Variants in CEP135 observed in about 807,000 individuals in gnomAD.
CEP135 encodes centrosomal protein of 135 kDa.
Under a neutral mutation model 157.3 loss-of-function variants are expected in CEP135, and 142 were observed. The ratio of observed to expected loss-of-function variants is 0.90; its 90% confidence interval spans 0.79 to 1.04. CEP135 has a LOEUF of 1.04. Ranked by LOEUF, CEP135 falls within the 50% of genes least tolerant of loss-of-function variation. The probability of loss-of-function intolerance (pLI) is 0.00; values close to 1 mark genes in which losing one functional copy is unlikely to be tolerated. For synonymous variants in CEP135, 396 were observed against 439.8 expected, an observed-to-expected ratio of 0.90 and a Z score of 1.25; for missense variants, 1,317 against 1,309.2, an observed-to-expected ratio of 1.01 and a Z score of -0.09.
At chr4:55,963,483 C>T (rs748689552) in intron 6 of CEP135, among the ~76,000 whole-genome samples, 9 of 152,160 alleles carry the variant, frequency 5.9e-5, no homozygotes, top group South Asian at 2.1e-4. Context: ...TGGTGGCTCA[C>T]GCCTATAATC....
chr4:55,982,083 A>C (rs1187179082), intron 13 of CEP135, among the ~76,000 whole-genome samples: 2 of 152,124 alleles, frequency 1.3e-5, no homozygotes, highest in African/African-American at 4.8e-5. Flanking sequence ...CCACAAAAAG[A>C]AACTCTGAAG....
At chr4:56,013,463 C>T (rs1467031672) in intron 21 of CEP135, among the ~76,000 whole-genome samples, 1 of 151,992 alleles carries the variant, frequency 6.6e-6, no homozygotes, top group African/African-American at 2.4e-5. Context: ...TGTCATAAAG[C>T]TTTTCCCCTA....
intron 11 of CEP135, 143 bp from the exon 12 acceptor site, chr4:55,980,000 A>T: frequency 1.4e-6 from 1 of 700,330 alleles, no homozygotes; most frequent in Admixed American, 3.0e-5. Flanking sequence ...CTCATCATAG[A>T]TTTTTAAAAC....
At chr4:56,017,624 A>C (rs1315265197) in intron 21 of CEP135, 24 bp from the exon 22 acceptor site, 1 of 1,547,116 alleles carries the variant, frequency 6.5e-7, no homozygotes, top group Admixed American at 2.1e-5. Context: ...TTAACTTTTT[A>C]CTTGTTTCTT....
intron 6 of CEP135, among the ~76,000 whole-genome samples, chr4:55,962,730 C>CTTT (rs56378859): frequency 5.6e-5 from 7 of 125,368 alleles, no homozygotes; most frequent in Admixed American, 2.4e-4. Context: ...TTTTAAGCCT[C>CTTT]TTTTTTTTTT....
rs139171602 is a variant in CEP135, at chr4:55,974,803, G to A, written c.1307G>A (p.Arg436Gln). Residue 436 changes from arginine to glutamine, a missense_variant, in exon 11 of 26, where the codon CGA becomes CAA. Arg to Gln is a conservative substitution (Grantham distance 43, BLOSUM62 1). Coordinates refer to ENST00000257287, the MANE Select transcript of CEP135 (RefSeq NM_025009.5). Reference protein sequence around the residue: ...RMRLEHGIKRRDRSPSRLDTF... With the variant: ...RMRLEHGIKRQDRSPSRLDTF... ...AGACTAGAACATGGAATAAAACGTC[G>A]AGACAGGTCACCTTCTCGTTTAGAT... 796 of 1,613,782 alleles carry A rather than the reference G, an allele frequency of 4.9e-4. No homozygotes were observed. Among genetic ancestry groups the A allele is most frequent in the Non-Finnish European group, 6.2e-4 (733 of 1,179,838 alleles).
chr4:55,974,570 T>C (rs541457729), intron 10 of CEP135, among the ~76,000 whole-genome samples, 176 bp from the exon 11 acceptor site: 16 of 152,322 alleles, frequency 1.1e-4, no homozygotes, highest in East Asian at 5.8e-4. Context: ...TGCTTTTTTT[T>C]CCCTTCTTTC....
At chr4:55,972,010 C>T (rs1161927121) in intron 10 of CEP135, among the ~76,000 whole-genome samples, 1 of 151,962 alleles carries the variant, frequency 6.6e-6, no homozygotes, top group Non-Finnish European at 1.5e-5. Context: ...ATTAACTGGG[C>T]GTGGTGGCAT....
intron 24 of CEP135, among the ~76,000 whole-genome samples, chr4:56,023,478 T>G (rs1424850908): frequency 2.6e-5 from 4 of 151,638 alleles, no homozygotes; most frequent in Non-Finnish European, 4.4e-5. Flanking sequence ...AAAATTAAAT[T>G]TATCTGTAAG....
chr4:55,960,960 A>T (rs563850216), intron 6 of CEP135: 2 of 147,108 alleles, frequency 1.4e-5, no homozygotes, highest in South Asian at 4.3e-4. Context: ...TACAAAAATT[A>T]GCTGAGGTTG....
At chr4:56,024,814 T>G (rs1260161063) in intron 25 of CEP135, among the ~76,000 whole-genome samples, 200 bp downstream of exon 25, 1 of 151,226 alleles carries the variant, frequency 6.6e-6, no homozygotes, top group Non-Finnish European at 1.5e-5. Context: ...ACTGACCATT[T>G]ACAGTGTATG....
chr4:56,017,743 G>A lies in CEP135; in HGVS notation c.2898G>A (p.Glu966=), dbSNP rs1730826258. 1.2e-6 allele frequency: 2 copies of A among 1,613,808 alleles called. No individual in the cohort carries two copies. The highest frequency in any genetic ancestry group is 1.7e-5 in the Admixed American group (1 of 59,990). ...AAGAGCTGAGACATCAAGAAGATGA[G>A]AAAGCAACAGTATTAAATGACTTGT... The part of the protein sequence containing the change: ...LEEELRHQED[E]KATVLNDLSS... The change falls in exon 22 of 26, where the codon GAG becomes GAA. Residue 966 remains glutamate (E), a synonymous_variant. Coordinates refer to ENST00000257287, the MANE Select transcript of CEP135 (RefSeq NM_025009.5).
intron 17 of CEP135, among the ~76,000 whole-genome samples, chr4:56,004,678 A>G (rs78446543): frequency 0.024 from 3,686 of 152,240 alleles, 67 homozygotes; most frequent in Admixed American, 0.06. Flanking sequence ...TTGTCTCTTT[A>G]TAGTCTTTGA....
intron 18 of CEP135, among the ~76,000 whole-genome samples, 186 bp from the exon 19 acceptor site, chr4:56,009,549 T>C (rs1730494307): frequency 6.6e-6 from 1 of 152,222 alleles, no homozygotes; most frequent in Non-Finnish European, 1.5e-5. Flanking sequence ...CATTTGCATG[T>C]AATTATTGGT....
chr4:55,957,350 A>C lies in CEP135; in HGVS notation c.600A>C (p.Gln200His). ...ACCCTTACATTGCAGACCTCCTTCA[A>C]GTGGCTGATAACAGGTGCATTAAAT... ...PDDPYIADLLQVADNRIQELQ... is the reference protein window; with the variant it reads ...PDDPYIADLLHVADNRIQELQ... The change falls in exon 5 of 26, where the codon CAA (glutamine) becomes CAC (histidine). Residue 200 changes from glutamine to histidine, a missense_variant. Coordinates refer to ENST00000257287, the MANE Select transcript of CEP135 (RefSeq NM_025009.5). 1 of 1,612,766 alleles carries C rather than the reference A, an allele frequency of 6.2e-7. No individual in the cohort carries two copies.
At chr4:56,026,399 G>T (rs1731160237) in intron 25 of CEP135, among the ~76,000 whole-genome samples, 1 of 152,154 alleles carries the variant, frequency 6.6e-6, no homozygotes, top group Non-Finnish European at 1.5e-5. Flanking sequence ...ACTGTTAAAA[G>T]TGTAGATTTC....
At chr4:55,994,283 A>G (rs1729891687) in intron 15 of CEP135, among the ~76,000 whole-genome samples, 2 of 152,308 alleles carry the variant, frequency 1.3e-5, no homozygotes, top group East Asian at 1.9e-4. Context: ...ATGGTGGCTT[A>G]TGCCTATAAT....
intron 6 of CEP135, among the ~76,000 whole-genome samples, chr4:55,963,251 C>T (rs1391240513): frequency 6.6e-6 from 1 of 152,108 alleles, no homozygotes; most frequent in Non-Finnish European, 1.5e-5. Flanking sequence ...CCTGCCCCTG[C>T]CTCTGTTTTT....
At chr4:55,991,804 C>G (rs1204498757) in intron 14 of CEP135, 130 bp from the exon 15 acceptor site, 5 of 589,136 alleles carry the variant, frequency 8.5e-6, no homozygotes, top group Admixed American at 4.0e-5. Context: ...GTACACATGA[C>G]TTATAAAGTT....
Sources: gnomAD v4.1 joint callset for allele counts (sites outside exome capture counted in the v4.1 genomes callset) on GRCh38, gnomAD v4.1.1 for gene constraint, MANE v1.5 for transcripts, NCBI Gene and HGNC (gene_info 2026-07-23, HGNC 2026-07-21) for gene names.